Variants in RALYL observed in about 807,000 individuals in gnomAD.
The protein encoded by RALYL is RNA-binding Raly-like protein.
A neutral mutation model predicts 35.1 loss-of-function variants in RALYL; 29 were observed. That is an observed-to-expected ratio of 0.83 (90% confidence interval 0.61 to 1.13). The LOEUF is 1.13. Among genes scored for constraint, RALYL ranks in the 50% most tolerant of loss-of-function variants. The pLI, the probability that RALYL is intolerant of heterozygous loss-of-function variation, is 0.00. For synonymous variants in RALYL, 120 were observed against 127.6 expected, an observed-to-expected ratio of 0.94 and a Z score of 0.40; for missense variants, 359 against 360.4, an observed-to-expected ratio of 1.00 and a Z score of 0.03.
intron 1 of RALYL, among the ~76,000 whole-genome samples, chr8:84,446,526 G>C (rs1345538567): frequency 6.6e-6 from 1 of 151,998 alleles, no homozygotes; most frequent in Non-Finnish European, 1.5e-5. Flanking sequence ...ATGGGATTGG[G>C]CAAGTCATGT....
At chr8:84,717,346 G>A (rs1049372936) in intron 2 of RALYL, among the ~76,000 whole-genome samples, 1 of 152,170 alleles carries the variant, frequency 6.6e-6, no homozygotes, top group Non-Finnish European at 1.5e-5. Context: ...TGTATAAACA[G>A]CCATCTAACA....
At position 84,738,074 on chromosome 8, in the gene RALYL, A is replaced by G. The variant is rs533701452; in HGVS notation, c.257-36505A>G. On this transcript the variant is annotated intron_variant, in intron 2 of 8. Transcript: ENST00000521268. ...TCCCTTCAGGAACTTACAACCAAAT[A>G]AAAGATTCAGATAAGTAAGTCAATG... Among the ~76,000 whole-genome samples, 15 of 152,182 alleles carry G rather than the reference A, an allele frequency of 9.9e-5. No homozygotes were observed. The East Asian group carries it at 2.9e-3, about 29-fold the overall frequency.
At chr8:84,859,282 AG>A (rs1323261697) in intron 5 of RALYL, among the ~76,000 whole-genome samples, 2 of 152,092 alleles carry the variant, frequency 1.3e-5, no homozygotes, top group Admixed American at 6.5e-5. Flanking sequence ...ATGCAGAAAA[AG>A]GTGGCAGGAT....
At position 84,422,000 on chromosome 8, in the gene RALYL, T is replaced by C. The variant is rs564686823; in HGVS notation, c.-23-107299T>C. Reference sequence around the variant, plus strand: ...TCAATTTTCATCAAGGTTATTGGTCTAAAATTCTCTTTTTTGGTTGTGTCT... The same window carrying C: ...TCAATTTTCATCAAGGTTATTGGTCCAAAATTCTCTTTTTTGGTTGTGTCT... On this transcript the variant is annotated intron_variant, in intron 1 of 8. Coordinates refer to ENST00000521268, the MANE Select transcript of RALYL (RefSeq NM_173848.7). 2.0e-5 allele frequency among the ~76,000 whole-genome samples: 3 copies of C among 152,310 alleles called. No individual in the cohort carries two copies. The East Asian group carries it at 5.8e-4, about 29-fold the overall frequency.
chr8:84,294,504 T>TA (rs1174306973), intron 1 of RALYL, among the ~76,000 whole-genome samples: 1 of 152,092 alleles, frequency 6.6e-6, no homozygotes, highest in African/African-American at 2.4e-5. Context: ...TAATTCCTGT[T>TA]AAAAGCTTGA....
chr8:84,253,951 T>C (rs1830732991), intron 1 of RALYL, among the ~76,000 whole-genome samples: 1 of 152,172 alleles, frequency 6.6e-6, no homozygotes, highest in Non-Finnish European at 1.5e-5. Flanking sequence ...CTGGTGTTGC[T>C]GAATAGCTGA....
chr8:84,455,622 A>G (rs561673585), intron 1 of RALYL, among the ~76,000 whole-genome samples: 1 of 152,160 alleles, frequency 6.6e-6, no homozygotes, highest in South Asian at 2.1e-4. Flanking sequence ...CTAATAGAAG[A>G]CAAAGTCAAT....
chr8:84,692,486 A>G (rs547579009), intron 2 of RALYL, among the ~76,000 whole-genome samples: 1 of 152,146 alleles, frequency 6.6e-6, no homozygotes, highest in African/African-American at 2.4e-5. Context: ...GGTGTGTAAG[A>G]CCACTACCCT....
At chr8:84,812,641 CAAG>C (rs777756715) in intron 4 of RALYL, among the ~76,000 whole-genome samples, 3 of 152,024 alleles carry the variant, frequency 2.0e-5, no homozygotes, top group East Asian at 3.9e-4. Context: ...GTTCCCAGGT[CAAG>C]AAGGATTGTG....
intron 4 of RALYL, among the ~76,000 whole-genome samples, chr8:84,812,008 G>A (rs1024227828): frequency 2.0e-5 from 3 of 152,028 alleles, no homozygotes; most frequent in Non-Finnish European, 4.4e-5. Flanking sequence ...GGTAAATCGG[G>A]GATTTCTTCT....
intron 1 of RALYL, among the ~76,000 whole-genome samples, chr8:84,393,527 G>A (rs1288219823): frequency 2.6e-5 from 4 of 152,022 alleles, no homozygotes; most frequent in Admixed American, 2.0e-4. Context: ...CCAAGAAAAG[G>A]GAATTAACAA....
intron 2 of RALYL, among the ~76,000 whole-genome samples, chr8:84,765,235 C>T (rs932717601): frequency 1.3e-5 from 2 of 152,154 alleles, no homozygotes; most frequent in African/African-American, 2.4e-5. Flanking sequence ...TTACAGGCTG[C>T]TTTCCACAGC....
At chr8:84,793,907 C>A (rs1439933491) in intron 3 of RALYL, among the ~76,000 whole-genome samples, 1 of 152,178 alleles carries the variant, frequency 6.6e-6, no homozygotes, top group Non-Finnish European at 1.5e-5. Flanking sequence ...GGAAGAAACA[C>A]AGCTAAGCAA....
At chr8:84,462,262 A>C (rs1202245439) in intron 1 of RALYL, among the ~76,000 whole-genome samples, 1 of 151,210 alleles carries the variant, frequency 6.6e-6, no homozygotes, top group African/African-American at 2.4e-5. Context: ...TGTTCTTCAG[A>C]TATTTTGTCC....
chr8:84,195,602 T>C (rs1325989020), intron 1 of RALYL, among the ~76,000 whole-genome samples: 1 of 152,216 alleles, frequency 6.6e-6, no homozygotes, highest in African/African-American at 2.4e-5. Context: ...CTTTGGGTTA[T>C]TAAGGCACTT....
At chr8:84,667,879 A>G (rs1475988234) in intron 2 of RALYL, among the ~76,000 whole-genome samples, 3 of 152,156 alleles carry the variant, frequency 2.0e-5, no homozygotes, top group Non-Finnish European at 4.4e-5. Flanking sequence ...CTGGAGTTAT[A>G]TAACCTAGGG....
At chr8:84,713,304 A>G (rs1315883038) in intron 2 of RALYL, among the ~76,000 whole-genome samples, 2 of 151,996 alleles carry the variant, frequency 1.3e-5, no homozygotes, top group Non-Finnish European at 2.9e-5. Context: ...TGATTAACAT[A>G]TTTTCAATAT....
chr8:84,605,044 A>G (rs1816803066), intron 2 of RALYL, among the ~76,000 whole-genome samples: 1 of 152,116 alleles, frequency 6.6e-6, no homozygotes, highest in African/African-American at 2.4e-5. Flanking sequence ...TTACCCTTGA[A>G]AAGATGAATT....
intron 1 of RALYL, among the ~76,000 whole-genome samples, chr8:84,428,498 C>T (rs1017502288): frequency 1.3e-5 from 2 of 152,108 alleles, no homozygotes; most frequent in African/African-American, 4.8e-5. Context: ...ATGTAAAAGG[C>T]ATAAACATAG....
Sources: gnomAD v4.1 joint callset for allele counts (sites outside exome capture counted in the v4.1 genomes callset) on GRCh38, gnomAD v4.1.1 for gene constraint, MANE v1.5 for transcripts, NCBI Gene and HGNC (gene_info 2026-07-23, HGNC 2026-07-21) for gene names.